The following SLC13A4 variants were observed in gnomAD, a reference collection of about 807,000 sequenced individuals.
SLC13A4 encodes the protein solute carrier family 13 member 4, also known as Na(+)/sulfate cotransporter SUT-1.
Under a neutral mutation model 72.7 loss-of-function variants are expected in SLC13A4, and 28 were observed. The observed-to-expected ratio is 0.39, with a 90% CI of 0.29 to 0.53. SLC13A4 has a LOEUF of 0.53. Ranked by LOEUF, SLC13A4 falls within the 20% of genes least tolerant of loss-of-function variation. The pLI, the probability that SLC13A4 is intolerant of heterozygous loss-of-function variation, is 0.78. For synonymous variants in SLC13A4, 312 were observed against 325.5 expected, an observed-to-expected ratio of 0.96 and a Z score of 0.45; for missense variants, 653 against 788.0, an observed-to-expected ratio of 0.83 and a Z score of 2.05.
At chr7:135,712,393 G>A (rs997355568) in intron 2 of SLC13A4, among the ~76,000 whole-genome samples, 2 of 149,480 alleles carry the variant, frequency 1.3e-5, no homozygotes, top group Admixed American at 6.7e-5. Context: ...GGACTCTGGA[G>A]TCAGCCGGGA....
chr7:135,706,078 C>T (rs749508891), intron 4 of SLC13A4, 50 bp downstream of exon 4: 1 of 1,523,036 alleles, frequency 6.6e-7, no homozygotes, highest in Non-Finnish European at 8.9e-7. Context: ...CAGGAGGACC[C>T]CAGGGGAGGT....
intron 9 of SLC13A4, 46 bp downstream of exon 9, chr7:135,695,322 C>G (rs978318944): frequency 1.2e-6 from 2 of 1,610,564 alleles, no homozygotes. Context: ...GCCTTTGGAT[C>G]AACAGGGGGG....
chr7:135,707,715 T>C (rs1206292949), intron 3 of SLC13A4: 1 of 161,564 alleles, frequency 6.2e-6, no homozygotes, highest in East Asian at 1.8e-4. Flanking sequence ...TCAGGGTGGA[T>C]GGGAGGAAAC....
In SLC13A4 at chr7:135,681,676, C is replaced by G. The variant is rs137894236; in HGVS notation, c.1771G>C (p.Val591Leu). 2 of 1,613,784 alleles carry G rather than the reference C, an allele frequency of 1.2e-6. No individual in the cohort carries two copies. Among genetic ancestry groups the G allele is most frequent in the Non-Finnish European group, 1.7e-6 (2 of 1,179,812 alleles). Reference protein sequence around the residue: ...DMVKAGLGVNVIGLVIVMVAI... With the variant: ...DMVKAGLGVNLIGLVIVMVAI... The stretch of plus-strand genomic sequence containing the variant: ...ACCATTACTATCACCAGTCCAATAA[C>G]GTTGACTCCCAGGCCAGCTTTCACC... Residue 591 changes from valine to leucine, a missense_variant, in exon 16 of 16, where the codon GTT (valine) becomes CTT (leucine). Val to Leu is a conservative substitution (Grantham distance 32). Transcript: ENST00000682651.
chr7:135,699,362 A>T lies in SLC13A4; in HGVS notation c.899+2T>A. The T allele has an allele frequency of 6.2e-7, 1 of 1,607,648 alleles. No individual in the cohort carries two copies. Among genetic ancestry groups the T allele is most frequent in the Non-Finnish European group, 8.5e-7 (1 of 1,176,566 alleles). On this transcript the variant is annotated splice_donor_variant, in intron 8 of 15. Transcript: ENST00000682651. LOFTEE classifies it high-confidence loss of function. ...TATTTGTTGACCAAGTGAATCACTT[A>T]CTTGTTGAAGTGTTCCAGGAAGATG...
intron 3 of SLC13A4, 25 bp downstream of exon 3, chr7:135,708,089 T>C: frequency 6.2e-7 from 1 of 1,608,486 alleles, no homozygotes; most frequent in Non-Finnish European, 8.5e-7. Context: ...ATGCCCTATG[T>C]CCTGGCATCC....
intron 2 of SLC13A4, among the ~76,000 whole-genome samples, chr7:135,717,395 G>T (rs1232731151): frequency 6.6e-6 from 1 of 152,198 alleles, no homozygotes; most frequent in African/African-American, 2.4e-5. Flanking sequence ...TCAACATGAA[G>T]TTTGGGCAGT....
intron 1 of SLC13A4, among the ~76,000 whole-genome samples, 196 bp downstream of exon 1, chr7:135,727,202 C>A (rs1796680149): frequency 6.6e-6 from 1 of 152,172 alleles, no homozygotes; most frequent in Non-Finnish European, 1.5e-5. Flanking sequence ...GGGAATGGGA[C>A]TGGGATAGGA....
intron 2 of SLC13A4, among the ~76,000 whole-genome samples, chr7:135,717,047 C>T (rs1324509306): frequency 6.6e-6 from 1 of 152,194 alleles, no homozygotes; most frequent in Non-Finnish European, 1.5e-5. Flanking sequence ...ATTCTGCCAC[C>T]GTACATTAGC....
Position 135,701,669 on chromosome 7 carries a change from C to T in SLC13A4, c.714+11G>A, listed in dbSNP as rs139533849. On this transcript the variant is annotated intron_variant, in intron 7 of 15. Transcript: ENST00000682651. ...TGTAGGAAACAGAGCTAGAAGGGGC[C>T]GTTCTATTACCTGGGATGGGTGTTG... 6,865 of 1,612,902 alleles carry T rather than the reference C, an allele frequency of 4.3e-3. 100 individuals are homozygous for T. The highest frequency in any genetic ancestry group is 9.6e-3 in the South Asian group (874 of 90,936).
In SLC13A4 at chr7:135,684,767, G is replaced by A. The variant is rs995338872; in HGVS notation, c.1609-506C>T. On this transcript the variant is annotated intron_variant, in intron 14 of 15. Transcript: ENST00000682651. ...CTGTTGCTCGCAGGAGCAAGATGAC[G>A]GAAGGGAGAAGTTGGGGTCATCTGA... Among the ~76,000 whole-genome samples, 5 of 151,944 alleles carry A rather than the reference G, an allele frequency of 3.3e-5. 1 individual carries two copies. Among genetic ancestry groups the A allele is most frequent in the Admixed American group, 2.6e-4 (4 of 15,242 alleles).
At chr7:135,704,027 T>C (rs1467296971) in intron 5 of SLC13A4, 4 of 152,310 alleles carry the variant, frequency 2.6e-5, no homozygotes, top group African/African-American at 9.6e-5. Context: ...TAGGGACAAC[T>C]CAGGCTTTTC....
intron 2 of SLC13A4, among the ~76,000 whole-genome samples, chr7:135,713,043 ATTC>A (rs1243034642): frequency 6.6e-6 from 1 of 152,106 alleles, no homozygotes; most frequent in Non-Finnish European, 1.5e-5. Context: ...TTCCCGTCTC[ATTC>A]TTAGGCGGCT....
chr7:135,727,763 G>C lies in SLC13A4; in HGVS notation c.-267C>G, dbSNP rs1796699533. 1 of 424,762 alleles carries C rather than the reference G, an allele frequency of 2.4e-6. No homozygotes were observed. Among genetic ancestry groups the C allele is most frequent in the Non-Finnish European group, 4.2e-6 (1 of 238,950 alleles). The allele number at this position is 424,762 out of a possible 1,614,324, so 26.3% of individuals were successfully genotyped here. ...GGAACTGGGAAAGGATGATAAACGG[G>C]GGCATAGTGGGCCTCCTCTCGGCTT... On this transcript the variant is annotated 5_prime_UTR_variant, in exon 1 of 16. Coordinates refer to ENST00000682651, the MANE Select transcript of SLC13A4 (RefSeq NM_001318192.2).
Position 135,691,226 on chromosome 7 carries a change from C to A in SLC13A4, c.1421G>T (p.Gly474Val). The A allele has an allele frequency of 6.2e-7, 1 of 1,610,430 alleles. No individual in the cohort carries two copies. The highest frequency in any genetic ancestry group is 1.7e-5 in the Admixed American group (1 of 59,102). ...CTTGCTACCAGAAGCCAGAGCATAG[C>A]CTCCCCCAACCAGAATGACAATCTC... Reference protein sequence around the residue: ...PWEIVILVGGGYALASGSKSS... With the variant: ...PWEIVILVGGVYALASGSKSS... The change falls in exon 13 of 16, where the codon GGC becomes GTC. Residue 474 changes from glycine (G) to valine (V), a missense_variant. Coordinates refer to ENST00000682651, the MANE Select transcript of SLC13A4 (RefSeq NM_001318192.2).
At chr7:135,691,176 C>A (rs1398865322) in intron 13 of SLC13A4, 25 bp downstream of exon 13, 10 of 1,415,628 alleles carry the variant, frequency 7.1e-6, no homozygotes, top group African/African-American at 4.4e-5. Context: ...AAAAAAACCC[C>A]AAAAAAACAG....
At chr7:135,719,843 G>T (rs10263212) in intron 2 of SLC13A4, among the ~76,000 whole-genome samples, 1 of 146,664 alleles carries the variant, frequency 6.8e-6, no homozygotes, top group African/African-American at 2.5e-5. Context: ...CCACACACAC[G>T]CATATATATA....
At chr7:135,722,059 A>G (rs2129495489) in intron 1 of SLC13A4, among the ~76,000 whole-genome samples, 1 of 152,156 alleles carries the variant, frequency 6.6e-6, no homozygotes, top group Non-Finnish European at 1.5e-5. Context: ...TGGGCAATAT[A>G]TAGCAAGACC....
At chr7:135,727,285 C>A in intron 1 of SLC13A4, 113 bp downstream of exon 1, 2 of 1,357,130 alleles carry the variant, frequency 1.5e-6, no homozygotes, top group Non-Finnish European at 9.9e-7. Flanking sequence ...TCTTTAAACC[C>A]ACCACAAGCC....
Sources: gnomAD v4.1 joint callset for allele counts (sites outside exome capture counted in the v4.1 genomes callset) on GRCh38, gnomAD v4.1.1 for gene constraint, MANE v1.5 for transcripts, NCBI Gene and HGNC (gene_info 2026-07-23, HGNC 2026-07-21) for gene names.